Variants in VPS26C observed in about 807,000 individuals in gnomAD.
VPS26C encodes the protein VPS26 endosomal protein sorting factor C.
Under a neutral mutation model 30.6 loss-of-function variants are expected in VPS26C, and 19 were observed. That is an observed-to-expected ratio of 0.62 (90% CI 0.43 to 0.91). The LOEUF is 0.91. Among genes scored for constraint, VPS26C ranks in the 40% least tolerant of loss-of-function variants. VPS26C has a pLI of 0.00. For missense variants in VPS26C, 318 were observed against 385.1 expected, an observed-to-expected ratio of 0.83 and a Z score of 1.46; for synonymous variants, 132 against 151.5, an observed-to-expected ratio of 0.87 and a Z score of 0.95.
chr21:37,235,155 C>T (rs188601460), intron 3 of VPS26C, among the ~76,000 whole-genome samples: 107 of 152,248 alleles, frequency 7.0e-4, no homozygotes, highest in Admixed American at 5.0e-3. Flanking sequence ...TACAGGCATC[C>T]ACCACCATGC....
In VPS26C at chr21:37,226,906, TGTGGA is replaced by T. The variant is rs1410961759; in HGVS notation, c.811+743_811+747del. The stretch of plus-strand genomic sequence containing the variant: ...GTCTCTCTGTTCTACTTCTTCGTAG[TGTGGA>T]GTGATCTCCCAATTAACATGATTCT... On this transcript the variant is annotated intron_variant, in intron 7 of 7. Transcript: ENST00000309117. The surrounding 1 kb of genome is among the most constrained non-coding windows in gnomAD (Gnocchi z 4.1). 6.6e-6 allele frequency: 1 copy of T among 152,230 alleles called. No individual in the cohort carries two copies. Among genetic ancestry groups the T allele is most frequent in the African/African-American group, 2.4e-5 (1 of 41,456 alleles). The allele number at this position is 152,230 out of a possible 1,614,324, so 9.4% of individuals were successfully genotyped here. A position where few individuals can be genotyped will look rare whatever the true frequency, so the allele number is the denominator to read the frequency against.
chr21:37,238,608 G>A lies in VPS26C; in HGVS notation c.203C>T (p.Pro68Leu). 1 of 1,613,672 alleles carries A rather than the reference G, an allele frequency of 6.2e-7. No individual in the cohort carries two copies. The highest frequency in any genetic ancestry group is 8.5e-7 in the Non-Finnish European group (1 of 1,179,838). Residue 68 changes from proline (P) to leucine (L), a missense_variant and splice_region_variant, in exon 3 of 8, where the codon CCT becomes CTT. By Grantham distance (98) the Pro-to-Leu change is moderately conservative (BLOSUM62 -3). Coordinates refer to ENST00000309117, the MANE Select transcript of VPS26C (RefSeq NM_006052.2). ...TATGGTGCTGTTGATAATCTGGATAGGCTGTAAACAAAAATCAGTTCAGTC... is the reference window on the plus strand; with the variant it reads ...TATGGTGCTGTTGATAATCTGGATAAGCTGTAAACAAAAATCAGTTCAGTC... ...VFEAFYNSVK[P>L]IQIINSTIEM...
chr21:37,267,536 C>T (rs550944427), upstream of VPS26C: 111 of 565,440 alleles, frequency 2.0e-4, 1 homozygote, highest in East Asian at 2.8e-3. Flanking sequence ...TCACCCCGCC[C>T]CCTCTGGGCG....
At chr21:37,265,038 G>A (rs536410703) in intron 1 of VPS26C, among the ~76,000 whole-genome samples, 3 of 152,278 alleles carry the variant, frequency 2.0e-5, no homozygotes, top group Non-Finnish European at 2.9e-5. Context: ...TCAGTCAAAA[G>A]GGCCACATAG....
intron 7 of VPS26C, chr21:37,227,368 A>G (rs1416455523): frequency 1.0e-5 from 4 of 397,324 alleles, no homozygotes; most frequent in African/African-American, 2.0e-5. Flanking sequence ...TCACCTGCCC[A>G]TGTCTACACT....
At chr21:37,235,700 T>A (rs1602268305) in intron 3 of VPS26C, among the ~76,000 whole-genome samples, 1 of 151,674 alleles carries the variant, frequency 6.6e-6, no homozygotes, top group Non-Finnish European at 1.5e-5. Context: ...ATATGAAGTA[T>A]CTAGTAACAA....
At chr21:37,247,596 T>A (rs73903514) in intron 1 of VPS26C, among the ~76,000 whole-genome samples, 4,032 of 152,256 alleles carry the variant, frequency 0.026, 191 homozygotes, top group African/African-American at 0.092. Flanking sequence ...ACAGAATTAA[T>A]GCCAAACGTA....
At chr21:37,232,345 C>T (rs2085973987) in intron 5 of VPS26C, 32 bp downstream of exon 5, 2 of 1,600,752 alleles carry the variant, frequency 1.2e-6, no homozygotes, top group Non-Finnish European at 1.7e-6. Context: ...TGGGAAGATA[C>T]CCACGGCATT....
At chr21:37,249,863 G>A (rs142882151) in intron 1 of VPS26C, among the ~76,000 whole-genome samples, 1 of 152,298 alleles carries the variant, frequency 6.6e-6, no homozygotes, top group East Asian at 1.9e-4. Flanking sequence ...TGTTCAGGCT[G>A]AAAGATCAAC....
intron 3 of VPS26C, chr21:37,237,605 CAGA>C (rs886165523): frequency 2.6e-5 from 4 of 152,250 alleles, no homozygotes; most frequent in Admixed American, 2.6e-4. Flanking sequence ...CTTTTCTTCA[CAGA>C]AGATGTACAT....
At chr21:37,232,551 G>T (rs374249707) in intron 4 of VPS26C, 100 bp from the exon 5 acceptor site, 2 of 982,192 alleles carry the variant, frequency 2.0e-6, no homozygotes, top group East Asian at 2.4e-5. Flanking sequence ...GCAGCCTGGC[G>T]ATGCAGGAAG....
chr21:37,228,104 G>A (rs1032446592), intron 6 of VPS26C, 119 bp downstream of exon 6: 1 of 1,411,010 alleles, frequency 7.1e-7, no homozygotes, highest in Non-Finnish European at 9.6e-7. Context: ...CTCCTGAGTA[G>A]CTGGGATTAC....
At chr21:37,244,225 G>C (rs561947539) in intron 1 of VPS26C, among the ~76,000 whole-genome samples, 1 of 152,234 alleles carries the variant, frequency 6.6e-6, no homozygotes, top group African/African-American at 2.4e-5. Flanking sequence ...TTGTTCAAAG[G>C]GGGGCAAAAG....
intron 1 of VPS26C, chr21:37,261,164 T>C (rs933297305): frequency 4.6e-5 from 7 of 152,254 alleles, no homozygotes; most frequent in Admixed American, 4.6e-4. Context: ...ATGACAGCAG[T>C]ATACACAAAA....
In VPS26C at chr21:37,233,518, CA is replaced by C; in HGVS notation, c.352-77del. ...CATCTTGGAATTATATTCAAAGAGA[CA>C]AGTCAGTCAACATATTTTAGGGAAA... On this transcript the variant is annotated intron_variant, in intron 3 of 7. Transcript: ENST00000309117. The surrounding 1 kb of genome is among the most constrained non-coding windows in gnomAD (Gnocchi z 5.2). The C allele has an allele frequency of 9.6e-7, 1 of 1,040,168 alleles. No individual in the cohort carries two copies. Among genetic ancestry groups the C allele is most frequent in the South Asian group, 1.3e-5 (1 of 77,968 alleles). The allele number at this position is 1,040,168 out of a possible 1,614,324, so 64.4% of individuals were successfully genotyped here.
At chr21:37,238,405 C>T (rs540834667) in intron 3 of VPS26C, 55 bp downstream of exon 3, 40 of 1,583,824 alleles carry the variant, frequency 2.5e-5, no homozygotes, top group Middle Eastern at 3.4e-4. Context: ...AAGACCACAC[C>T]GTTTGTCAGA....
intron 1 of VPS26C, among the ~76,000 whole-genome samples, chr21:37,251,880 T>C (rs999352456): frequency 2.0e-5 from 3 of 152,184 alleles, no homozygotes; most frequent in Non-Finnish European, 2.9e-5. Context: ...TTAGTTCTTA[T>C]TTTGGACTTG....
chr21:37,267,132 G>C, intron 1 of VPS26C, 106 bp downstream of exon 1: 1 of 1,051,988 alleles, frequency 9.5e-7, no homozygotes, highest in Non-Finnish European at 1.4e-6. Flanking sequence ...TGGCGGGACA[G>C]CCCTGCCCCG....
At chr21:37,251,783 C>T (rs189536016) in intron 1 of VPS26C, among the ~76,000 whole-genome samples, 6 of 152,320 alleles carry the variant, frequency 3.9e-5, no homozygotes, top group African/African-American at 1.4e-4. Flanking sequence ...TTCTAAGCCT[C>T]TTAAATTTTG....
Sources: allele counts gnomAD v4.1 joint callset (sites outside exome capture counted in the v4.1 genomes callset), GRCh38; gene constraint gnomAD v4.1.1; non-coding constraint Gnocchi (gnomAD v3.1); transcripts MANE v1.5; gene names NCBI Gene and HGNC (gene_info 2026-07-23, HGNC 2026-07-21).